Variants in PPP6R2 observed in about 807,000 individuals in gnomAD.
The protein encoded by PPP6R2 is serine/threonine-protein phosphatase 6 regulatory subunit 2.
In PPP6R2, 62 loss-of-function variants were observed where a neutral mutation model predicts 100.2. The observed-to-expected ratio is 0.62, with a 90% confidence interval of 0.50 to 0.76. The LOEUF is 0.76. PPP6R2 is among the 30% of genes least tolerant of loss of function. The probability of loss-of-function intolerance (pLI) is 0.00; values close to 1 mark genes in which losing one functional copy is unlikely to be tolerated. For missense variants in PPP6R2, 1,142 were observed against 1,276.3 expected (o/e 0.89, Z 1.60); for synonymous variants, 525 against 514.7 (o/e 1.02, Z -0.27).
At chr22:50,413,743 C>A (rs902515186) in intron 4 of PPP6R2, among the ~76,000 whole-genome samples, 1 of 149,306 alleles carries the variant, frequency 6.7e-6, no homozygotes, top group Non-Finnish European at 1.5e-5. Context: ...CATTGCAGCA[C>A]TGGGGAGTGA....
intron 8 of PPP6R2, among the ~76,000 whole-genome samples, chr22:50,421,109 T>A (rs892164607): frequency 5.3e-5 from 8 of 152,154 alleles, no homozygotes; most frequent in Non-Finnish European, 1.0e-4. Context: ...TCTCTCTCTG[T>A]CTGTCTCTGG....
chr22:50,416,221 G>C, intron 6 of PPP6R2, 64 bp downstream of exon 6: 1 of 1,457,108 alleles, frequency 6.9e-7, no homozygotes, highest in African/African-American at 1.4e-5. Flanking sequence ...GTCACCCACT[G>C]CTGCGGGCCA....
rs1218594680 is a variant in PPP6R2 at position 50,394,099 on chromosome 22, A to T, written c.191A>T (p.Asp64Val). 1 of 1,614,056 alleles carries T rather than the reference A, an allele frequency of 6.2e-7. No individual in the cohort carries two copies. The highest frequency in any genetic ancestry group is 1.3e-5 in the African/African-American group (1 of 74,918). The change falls in exon 3 of 24, where the codon GAT becomes GTT. Residue 64 changes from aspartate (D) to valine (V), a missense_variant. Asp to Val is a radical substitution (Grantham distance 152). Transcript: ENST00000612753. ...GAGCTGGTGAGCCTCATCACACAGG[A>T]TCCGCCCCTGGACATGGAGGAGAAG... Reference protein sequence around the residue: ...MEELVSLITQDPPLDMEEKVR... With the variant: ...MEELVSLITQVPPLDMEEKVR...
At position 50,402,865 on chromosome 22, in the gene PPP6R2, T is replaced by C. The variant is rs111727448; in HGVS notation, c.228-3824T>C. Among the ~76,000 whole-genome samples the C allele has an allele frequency of 1.4e-4, 21 of 152,316 alleles. 2 individuals carry two copies. Among genetic ancestry groups the C allele is most frequent in the African/African-American group, 4.8e-4 (20 of 41,584 alleles). ...TTAGTCCCTCCATCTAGAGAATCAG[T>C]GTCTTCTAGCTTGGTTTGTGCCATG... is the stretch of plus-strand genomic sequence containing the variant. On this transcript the variant is annotated intron_variant, in intron 3 of 23. Coordinates refer to ENST00000612753, the MANE Select transcript of PPP6R2 (RefSeq NM_001242898.2).
At chr22:50,385,732 T>G (rs895678461) in intron 2 of PPP6R2, among the ~76,000 whole-genome samples, 59 of 150,922 alleles carry the variant, frequency 3.9e-4, no homozygotes. Context: ...GCCAGGCTGG[T>G]CTTGAACTCC....
intron 5 of PPP6R2, among the ~76,000 whole-genome samples, chr22:50,415,245 G>A (rs1013633206): frequency 6.6e-6 from 1 of 152,218 alleles, no homozygotes; most frequent in Non-Finnish European, 1.5e-5. Context: ...TGTTCGGCCA[G>A]CTTTGTTTGT....
At chr22:50,395,604 A>C (rs1467170166) in intron 3 of PPP6R2, among the ~76,000 whole-genome samples, 4 of 152,156 alleles carry the variant, frequency 2.6e-5, no homozygotes, top group African/African-American at 4.8e-5. Context: ...TCCATCGCCC[A>C]GGCTGGGGTG....
intron 3 of PPP6R2, among the ~76,000 whole-genome samples, chr22:50,396,325 T>A (rs907949485): frequency 1.1e-4 from 17 of 151,288 alleles, no homozygotes; most frequent in Non-Finnish European, 2.5e-4. Context: ...TGAAACCCCG[T>A]CTCTACTAAA....
At chr22:50,355,523 C>CTGGCA (rs1336962695) in intron 1 of PPP6R2, among the ~76,000 whole-genome samples, 9 of 145,782 alleles carry the variant, frequency 6.2e-5, no homozygotes, top group Middle Eastern at 4.2e-3. Context: ...GCCACTGCGC[C>CTGGCA]CGGCCTTTTT....
chr22:50,375,528 A>G (rs774414909), intron 2 of PPP6R2, among the ~76,000 whole-genome samples: 1 of 152,128 alleles, frequency 6.6e-6, no homozygotes, highest in Non-Finnish European at 1.5e-5. Flanking sequence ...GAAGGGCTCT[A>G]TCCTCAAGGT....
intron 1 of PPP6R2, among the ~76,000 whole-genome samples, chr22:50,347,897 T>C (rs1480814533): frequency 6.6e-6 from 1 of 152,234 alleles, no homozygotes; most frequent in Non-Finnish European, 1.5e-5. Context: ...CCTTTGTTTT[T>C]ATTTTTTACT....
chr22:50,416,572 C>T (rs904682446), intron 6 of PPP6R2, among the ~76,000 whole-genome samples: 3 of 151,982 alleles, frequency 2.0e-5, no homozygotes, highest in Non-Finnish European at 4.4e-5. Flanking sequence ...CTCAAGTGAT[C>T]CTCCTACCTC....
chr22:50,414,779 C>A, intron 5 of PPP6R2, 90 bp downstream of exon 5: 1 of 1,432,648 alleles, frequency 7.0e-7, no homozygotes, highest in Non-Finnish European at 9.4e-7. Context: ...CACCAGGGCG[C>A]CCGGCCCCCA....
chr22:50,384,843 C>T (rs2148724491), intron 2 of PPP6R2, among the ~76,000 whole-genome samples: 1 of 152,226 alleles, frequency 6.6e-6, no homozygotes, highest in South Asian at 2.1e-4. Flanking sequence ...TGGGCTCAAG[C>T]GATCCTCCCA....
chr22:50,414,441 T>C (rs2060236351), intron 4 of PPP6R2, 111 bp from the exon 5 acceptor site: 3 of 1,249,602 alleles, frequency 2.4e-6, no homozygotes. Flanking sequence ...CTTTCCGTTA[T>C]TTCTGCTTAA....
At chr22:50,371,638 T>A (rs1200513393) in intron 1 of PPP6R2, among the ~76,000 whole-genome samples, 2 of 146,048 alleles carry the variant, frequency 1.4e-5, no homozygotes, top group Non-Finnish European at 1.5e-5. Context: ...TTTTTAAAAT[T>A]TTGTAATTGC....
chr22:50,432,433 G>A, intron 12 of PPP6R2, 104 bp downstream of exon 12: 4 of 1,152,478 alleles, frequency 3.5e-6, no homozygotes, highest in Non-Finnish European at 5.1e-6. Context: ...CTGCAGGATC[G>A]GGTGGAGTGT....
At chr22:50,416,323 ATT>A (rs11331065) in intron 6 of PPP6R2, among the ~76,000 whole-genome samples, 166 bp downstream of exon 6, 1 of 147,502 alleles carries the variant, frequency 6.8e-6, no homozygotes, top group East Asian at 2.0e-4. Context: ...TCTAGGCTGG[ATT>A]TTTTTTTTCT....
chr22:50,391,432 CAAAAAA>C (rs57682271), intron 2 of PPP6R2, among the ~76,000 whole-genome samples: 6 of 65,294 alleles, frequency 9.2e-5, no homozygotes, highest in African/African-American at 3.2e-4. Flanking sequence ...GACTCCGTCT[CAAAAAA>C]AAAAAAAAAA....
Sources: allele counts gnomAD v4.1 joint callset (sites outside exome capture counted in the v4.1 genomes callset), GRCh38; gene constraint gnomAD v4.1.1; transcripts MANE v1.5; gene names NCBI Gene and HGNC (gene_info 2026-07-23, HGNC 2026-07-21).